GLRA1: variants seen among roughly 807,000 people sequenced by gnomAD.
GLRA1 encodes glycine receptor subunit alpha-1.
GLRA1 carries 37 observed loss-of-function variants against 48.3 expected under a neutral mutation model. The observed-to-expected ratio is 0.77, with a 90% CI of 0.59 to 1.01. The LOEUF (loss-of-function observed/expected upper bound fraction) is 1.01, where lower values mean the gene tolerates loss of function less well. Ranked by LOEUF, GLRA1 falls within the 50% of genes least tolerant of loss-of-function variation. GLRA1 has a pLI of 0.00. For synonymous variants in GLRA1, 196 were observed against 210.7 expected (o/e 0.93, Z 0.60); for missense variants, 427 against 571.0 (o/e 0.75, Z 2.57).
chr5:151,904,168 C>T (rs908947668), intron 1 of GLRA1, among the ~76,000 whole-genome samples: 2 of 152,142 alleles, frequency 1.3e-5, no homozygotes, highest in African/African-American at 4.8e-5. Flanking sequence ...GGCCAATGCC[C>T]CTTTACCCTT....
At chr5:151,863,715 T>G (rs1442576131) in intron 3 of GLRA1, among the ~76,000 whole-genome samples, 3 of 152,180 alleles carry the variant, frequency 2.0e-5, no homozygotes, top group African/African-American at 7.2e-5. Context: ...CAATATTTTC[T>G]TTTGGAATGC....
At chr5:151,910,793 A>G (rs923806169) in intron 1 of GLRA1, among the ~76,000 whole-genome samples, 2 of 152,162 alleles carry the variant, frequency 1.3e-5, no homozygotes, top group African/African-American at 4.8e-5. Context: ...GTAGACTGTT[A>G]TGTGTTACCC....
intron 1 of GLRA1, among the ~76,000 whole-genome samples, chr5:151,919,050 G>T (rs1159671801): frequency 6.6e-6 from 1 of 152,090 alleles, no homozygotes; most frequent in African/African-American, 2.4e-5. Flanking sequence ...CATTTCAAAG[G>T]CTCTAACAAA....
Position 151,914,064 on chromosome 5 carries a change from G to A in GLRA1, c.56+10430C>T, listed in dbSNP as rs1581664932. On this transcript the variant is annotated intron_variant, in intron 1 of 8. Coordinates refer to ENST00000274576, the MANE Select transcript of GLRA1 (RefSeq NM_000171.4). ...TTTACAACAAATATGTATTTGTAGTGTAAAAAACAAAATAAAGGAAAACAA... is the reference window on the plus strand; with the variant it reads ...TTTACAACAAATATGTATTTGTAGTATAAAAAACAAAATAAAGGAAAACAA... Among the ~76,000 whole-genome samples, 3 of 152,166 alleles carry A rather than the reference G, an allele frequency of 2.0e-5. No individual in the cohort carries two copies. The East Asian group carries it at 5.8e-4, about 29-fold the overall frequency.
chr5:151,890,110 A>G (rs1299938857), intron 2 of GLRA1, among the ~76,000 whole-genome samples: 1 of 152,182 alleles, frequency 6.6e-6, no homozygotes, highest in Non-Finnish European at 1.5e-5. Flanking sequence ...TAAATGAACA[A>G]ATAAATAAAT....
At chr5:151,912,200 A>G (rs1235306370) in intron 1 of GLRA1, among the ~76,000 whole-genome samples, 1 of 147,424 alleles carries the variant, frequency 6.8e-6, no homozygotes, top group Non-Finnish European at 1.5e-5. Context: ...TATTCAATAC[A>G]TTTATTCAAG....
chr5:151,889,763 T>G (rs1207048637), intron 2 of GLRA1, among the ~76,000 whole-genome samples: 1 of 152,040 alleles, frequency 6.6e-6, no homozygotes, highest in African/African-American at 2.4e-5. Flanking sequence ...ATCTGATTTG[T>G]GTCGGTGGAA....
chr5:151,824,213 G>C (rs1763215978), intron 8 of GLRA1, among the ~76,000 whole-genome samples: 1 of 151,526 alleles, frequency 6.6e-6, no homozygotes, highest in Non-Finnish European at 1.5e-5. Context: ...TGCCCAGTCT[G>C]GTCTTGAACT....
chr5:151,904,597 C>T (rs938662813), intron 1 of GLRA1, among the ~76,000 whole-genome samples: 4 of 152,154 alleles, frequency 2.6e-5, no homozygotes, highest in Non-Finnish European at 4.4e-5. Context: ...AGGGCATGCT[C>T]CAGGGCTAAG....
At chr5:151,826,122 G>C (rs1042200112) in intron 8 of GLRA1, among the ~76,000 whole-genome samples, 1 of 152,166 alleles carries the variant, frequency 6.6e-6, no homozygotes, top group Non-Finnish European at 1.5e-5. Context: ...AAATATCCCT[G>C]GTTAGAAGGG....
At chr5:151,838,955 C>A (rs773008717) in intron 7 of GLRA1, among the ~76,000 whole-genome samples, 10 of 152,162 alleles carry the variant, frequency 6.6e-5, no homozygotes, top group Non-Finnish European at 1.2e-4. Context: ...CTACTGCAAC[C>A]TCCACCTCCC....
At chr5:151,831,547 G>C (rs1212212607) in intron 7 of GLRA1, among the ~76,000 whole-genome samples, 1 of 152,036 alleles carries the variant, frequency 6.6e-6, no homozygotes, top group African/African-American at 2.4e-5. Context: ...GTTCGAACTG[G>C]GTGGAGCACA....
Position 151,875,099 on chromosome 5 carries a change from G to GGATAGGT in GLRA1, c.252+11615_252+11621dup, listed in dbSNP as rs1230978879. On this transcript the variant is annotated intron_variant, in intron 3 of 8. Coordinates refer to ENST00000274576, the MANE Select transcript of GLRA1 (RefSeq NM_000171.4). Reference sequence around the variant, plus strand: ...TGCTTCATTTGATCAACTGATCCCAGGATAGGTTGACTTTGACTTGTGACT... The same window carrying GGATAGGT: ...TGCTTCATTTGATCAACTGATCCCAGGATAGGTGATAGGTTGACTTTGACTTGTGACT... Among the ~76,000 whole-genome samples the GGATAGGT allele has an allele frequency of 2.0e-5, 3 of 152,232 alleles. No individual in the cohort carries two copies. The East Asian group carries it at 5.8e-4, about 29-fold the overall frequency.
intron 7 of GLRA1, among the ~76,000 whole-genome samples, chr5:151,831,285 C>G (rs1763416123): frequency 6.6e-6 from 1 of 152,182 alleles, no homozygotes; most frequent in East Asian, 1.9e-4. Context: ...GCACCTGGAA[C>G]CCCAGCAAGA....
At chr5:151,886,306 G>T (rs1190130670) in intron 3 of GLRA1, among the ~76,000 whole-genome samples, 1 of 151,998 alleles carries the variant, frequency 6.6e-6, no homozygotes, top group Non-Finnish European at 1.5e-5. Context: ...ACTGTGAAAA[G>T]TTTTAAATGT....
At chr5:151,868,189 C>T (rs1180592627) in intron 3 of GLRA1, among the ~76,000 whole-genome samples, 2 of 152,180 alleles carry the variant, frequency 1.3e-5, no homozygotes, top group Non-Finnish European at 2.9e-5. Context: ...GGGAGTCTCC[C>T]TCAGGGGCAC....
At chr5:151,823,431 G>T (rs1007669519) in intron 8 of GLRA1, among the ~76,000 whole-genome samples, 2 of 152,196 alleles carry the variant, frequency 1.3e-5, no homozygotes, top group African/African-American at 4.8e-5. Context: ...AATTTGGACA[G>T]ATCCCCTGCT....
chr5:151,860,100 T>G (rs1035733049), intron 3 of GLRA1, 92 bp from the exon 4 acceptor site: 6 of 852,846 alleles, frequency 7.0e-6, no homozygotes, highest in Non-Finnish European at 1.2e-5. Context: ...GTAAAACCTT[T>G]TCTGGAGGAT....
chr5:151,829,121 A>G, intron 7 of GLRA1, 54 bp from the exon 8 acceptor site: 2 of 1,563,834 alleles, frequency 1.3e-6, no homozygotes, highest in South Asian at 1.1e-5. Flanking sequence ...AATGTAAAAC[A>G]TTAAGCATGG....
Sources: allele counts gnomAD v4.1 joint callset (sites outside exome capture counted in the v4.1 genomes callset), GRCh38; gene constraint gnomAD v4.1.1; transcripts MANE v1.5; gene names NCBI Gene and HGNC (gene_info 2026-07-23, HGNC 2026-07-21).